Variants in ATXN2 observed in about 807,000 individuals in gnomAD.
ATXN2 encodes the protein ataxin-2.
A neutral mutation model predicts 138.6 loss-of-function variants in ATXN2; 37 were observed. That is an observed-to-expected ratio of 0.27 (90% CI 0.21 to 0.35). The LOEUF is 0.35. Ranked by LOEUF, ATXN2 falls within the 10% of genes least tolerant of loss-of-function variation. The pLI, the probability that ATXN2 is intolerant of heterozygous loss-of-function variation, is 1.00. For synonymous variants in ATXN2, 549 were observed against 543.7 expected, an observed-to-expected ratio of 1.01 and a Z score of -0.13; for missense variants, 1,216 against 1,480.3, an observed-to-expected ratio of 0.82 and a Z score of 2.93.
chr12:111,573,726 A>G (rs985113554), intron 1 of ATXN2, among the ~76,000 whole-genome samples: 1 of 152,170 alleles, frequency 6.6e-6, no homozygotes, highest in African/African-American at 2.4e-5. Flanking sequence ...GTAAGGCTTA[A>G]AAGATATACA....
At chr12:111,531,597 A>G (rs1880840470) in intron 5 of ATXN2, among the ~76,000 whole-genome samples, 1 of 151,764 alleles carries the variant, frequency 6.6e-6, no homozygotes, top group East Asian at 1.9e-4. Context: ...CTACTACACC[A>G]TGTATTATAC....
chr12:111,580,594 G>A (rs1443968723), intron 1 of ATXN2, among the ~76,000 whole-genome samples: 1 of 141,958 alleles, frequency 7.0e-6, no homozygotes, highest in Non-Finnish European at 1.5e-5. Flanking sequence ...CTGGGCTCAG[G>A]AGTTCAAGGT....
intron 1 of ATXN2, among the ~76,000 whole-genome samples, chr12:111,557,160 T>C (rs1473215263): frequency 6.6e-6 from 1 of 152,192 alleles, no homozygotes; most frequent in Non-Finnish European, 1.5e-5. Flanking sequence ...GTCATGACAA[T>C]AGGACTGGAA....
chr12:111,545,531 T>G (rs1748011437), intron 5 of ATXN2, among the ~76,000 whole-genome samples: 1 of 151,882 alleles, frequency 6.6e-6, no homozygotes. Flanking sequence ...GCCACTGCAC[T>G]TCAGCCTGGG....
rs557492438 is a variant in ATXN2, at chr12:111,500,021, A to C, written c.1935+9528T>G. ...TTCACACACTGTTGGTGGACATGTA[A>C]ATTGGTAAAACCACTATGGAGAACA... On this transcript the variant is annotated intron_variant, in intron 14 of 24. Transcript: ENST00000673436. Among the ~76,000 whole-genome samples the C allele has an allele frequency of 1.1e-4, 16 of 152,252 alleles. 1 individual carries two copies. Among genetic ancestry groups the C allele is most frequent in the Non-Finnish European group, 1.8e-4 (12 of 68,046 alleles).
At position 111,578,982 on chromosome 12, in the gene ATXN2, C is replaced by CA. The variant is rs753832640; in HGVS notation, c.251+19801dup. ...GAGCCCAGGAGGTCAATGTTGCAGT[C>CA]AGACAATATCGCACCACTGCACTCC... is the stretch of plus-strand genomic sequence containing the variant. On this transcript the variant is annotated intron_variant, in intron 1 of 24. Transcript: ENST00000673436. Among the ~76,000 whole-genome samples, 37 of 152,178 alleles carry CA rather than the reference C, an allele frequency of 2.4e-4. 1 individual carries two copies. Among genetic ancestry groups the CA allele is most frequent in the South Asian group, 4.2e-4 (2 of 4,812 alleles).
chr12:111,571,784 G>A lies in ATXN2; in HGVS notation c.252-15865C>T, dbSNP rs539269779. Among the ~76,000 whole-genome samples the A allele has an allele frequency of 8.6e-4, 131 of 152,168 alleles. 1 individual carries two copies. The highest frequency in any genetic ancestry group is 3.1e-3 in the African/African-American group (128 of 41,520). On this transcript the variant is annotated intron_variant, in intron 1 of 24. Coordinates refer to ENST00000673436, the MANE Select transcript of ATXN2 (RefSeq NM_001372574.1). ...TGTAATCCCAGCACTTTGGGAGGCA[G>A]AGGTGGGCAGATCACCTGAGATCAG...
At chr12:111,531,035 T>C (rs562361637) in intron 5 of ATXN2, among the ~76,000 whole-genome samples, 1 of 149,528 alleles carries the variant, frequency 6.7e-6, no homozygotes, top group East Asian at 2.0e-4. Flanking sequence ...GGAGAATCAC[T>C]TGAACCTGGG....
At chr12:111,470,859 T>G (rs1471980392) in intron 18 of ATXN2, 117 bp from the exon 19 acceptor site, 1 of 1,057,540 alleles carries the variant, frequency 9.5e-7, no homozygotes, top group African/African-American at 1.6e-5. Flanking sequence ...TCTGATGCCA[T>G]CTCATACCAC....
In ATXN2 at chr12:111,586,432, C is replaced by T. The variant is rs372107777; in HGVS notation, c.251+12352G>A. 2.5e-4 allele frequency among the ~76,000 whole-genome samples: 36 copies of T among 141,846 alleles called. No homozygotes were observed. In the East Asian group the frequency reaches 5.6e-3, roughly 22 times the overall value. The allele number at this position is 141,846 out of a possible 152,430, so 93.1% of individuals were successfully genotyped here. On this transcript the variant is annotated intron_variant, in intron 1 of 24. Transcript: ENST00000673436. ...TTTTTTAGACGGAGTCTCCCTCTGT[C>T]GTCAGTGCAGTGGCCCGATCTCGGC... is the stretch of plus-strand genomic sequence containing the variant.
chr12:111,566,435 T>A (rs1252721430), intron 1 of ATXN2, among the ~76,000 whole-genome samples: 17 of 120,008 alleles, frequency 1.4e-4, no homozygotes, highest in African/African-American at 4.9e-4. Flanking sequence ...AAAAACTCCA[T>A]CTCAAAAAAA....
At chr12:111,527,760 T>G (rs1482097806) in intron 5 of ATXN2, among the ~76,000 whole-genome samples, 1 of 152,220 alleles carries the variant, frequency 6.6e-6, no homozygotes, top group East Asian at 1.9e-4. Flanking sequence ...TAAGAGATTC[T>G]AAGAGACTAA....
intron 1 of ATXN2, among the ~76,000 whole-genome samples, chr12:111,577,914 G>A (rs534296504): frequency 7.2e-5 from 11 of 152,202 alleles, no homozygotes; most frequent in South Asian, 6.2e-4. Flanking sequence ...CCTCATCTCT[G>A]GCCAGGTGCG....
intron 2 of ATXN2, among the ~76,000 whole-genome samples, chr12:111,555,494 G>A (rs547197538): frequency 6.6e-6 from 1 of 152,112 alleles, no homozygotes; most frequent in South Asian, 2.1e-4. Context: ...TTTTATAAGG[G>A]GCTTTCCCTG....
chr12:111,585,263 G>A (rs11065961), intron 1 of ATXN2, among the ~76,000 whole-genome samples: 85,655 of 151,700 alleles, frequency 0.56, 29,129 homozygotes, highest in Non-Finnish European at 0.76. Context: ...CTGTAATCCC[G>A]GCACTTTGGG....
At chr12:111,484,165 AT>A (rs538309997) in intron 18 of ATXN2, among the ~76,000 whole-genome samples, 97 of 152,320 alleles carry the variant, frequency 6.4e-4, no homozygotes, top group Non-Finnish European at 1.3e-3. Context: ...CTTTGGGGAA[AT>A]AACTGTAGGT....
intron 5 of ATXN2, among the ~76,000 whole-genome samples, chr12:111,531,086 C>G (rs7295780): frequency 0.021 from 3,119 of 151,588 alleles, 121 homozygotes; most frequent in African/African-American, 0.073. Flanking sequence ...CCATTGCACT[C>G]CAGCCTGGGT....
chr12:111,482,611 G>A (rs1877324196), intron 18 of ATXN2, among the ~76,000 whole-genome samples: 1 of 151,826 alleles, frequency 6.6e-6, no homozygotes, highest in South Asian at 2.1e-4. Flanking sequence ...ATATTTTAAT[G>A]ACAACAAAAA....
intron 14 of ATXN2, among the ~76,000 whole-genome samples, chr12:111,506,631 T>C (rs1188306022): frequency 1.4e-5 from 2 of 141,372 alleles, no homozygotes; most frequent in East Asian, 2.2e-4. Flanking sequence ...CCTCTCCCTC[T>C]CCCCCCCTCC....
Sources: gnomAD v4.1 joint callset for allele counts (sites outside exome capture counted in the v4.1 genomes callset) on GRCh38, gnomAD v4.1.1 for gene constraint, MANE v1.5 for transcripts, NCBI Gene and HGNC (gene_info 2026-07-23, HGNC 2026-07-21) for gene names.